The following PRKAR2A variants were observed in gnomAD, a reference collection of about 807,000 sequenced individuals.
The protein encoded by PRKAR2A is cAMP-dependent protein kinase type II-alpha regulatory subunit.
A neutral mutation model predicts 51.9 loss-of-function variants in PRKAR2A; 29 were observed. That is an observed-to-expected ratio of 0.56 (90% CI 0.42 to 0.76). The LOEUF (loss-of-function observed/expected upper bound fraction) is 0.76, where lower values mean the gene tolerates loss of function less well. PRKAR2A is among the 30% of genes least tolerant of loss of function. PRKAR2A has a pLI of 0.00. For synonymous variants in PRKAR2A, 178 were observed against 186.2 expected (o/e 0.96, Z 0.36); for missense variants, 445 against 512.1 (o/e 0.87, Z 1.26).
intron 1 of PRKAR2A, among the ~76,000 whole-genome samples, chr3:48,820,049 T>C (rs1051667275): frequency 6.6e-6 from 1 of 152,178 alleles, no homozygotes; most frequent in Non-Finnish European, 1.5e-5. Context: ...GGTAACTTGC[T>C]TGGAACAAGC....
At chr3:48,809,289 G>GA (rs1285379645) in intron 1 of PRKAR2A, among the ~76,000 whole-genome samples, 2 of 151,834 alleles carry the variant, frequency 1.3e-5, no homozygotes, top group Non-Finnish European at 2.9e-5. Flanking sequence ...CCAGAGATGA[G>GA]AAAAAATCTA....
chr3:48,798,764 G>C (rs1470119108), intron 2 of PRKAR2A, among the ~76,000 whole-genome samples: 1 of 151,334 alleles, frequency 6.6e-6, no homozygotes, highest in Non-Finnish European at 1.5e-5. Flanking sequence ...GGGTTCAGGT[G>C]ATTCTCGTGC....
In PRKAR2A at chr3:48,746,603, T is replaced by C. The variant is rs1311388512; in HGVS notation, c.*4982A>G. ...GTCAGACATGATTTGTCAGCCTTTA[T>C]TAATCAAGAGTAAAGCCGAGCCCTA... On this transcript the variant is annotated 3_prime_UTR_variant, in exon 11 of 11. Coordinates refer to ENST00000265563, the MANE Select transcript of PRKAR2A (RefSeq NM_004157.4). The C allele has an allele frequency of 2.0e-5, 3 of 152,306 alleles. No homozygotes were observed. In the South Asian group the frequency reaches 6.2e-4, roughly 32 times the overall value. The allele number at this position is 152,306 out of a possible 1,614,324, so 9.4% of individuals were successfully genotyped here.
At chr3:48,775,834 G>A (rs190502690) in intron 5 of PRKAR2A, among the ~76,000 whole-genome samples, 2 of 152,162 alleles carry the variant, frequency 1.3e-5, no homozygotes, top group African/African-American at 4.8e-5. Flanking sequence ...GAGGCTGGGT[G>A]CAGTGGCTCA....
chr3:48,825,413 C>T (rs1275716461), intron 1 of PRKAR2A, among the ~76,000 whole-genome samples: 1 of 152,174 alleles, frequency 6.6e-6, no homozygotes, highest in Non-Finnish European at 1.5e-5. Context: ...ACTAAGGACT[C>T]TTAAGGAGTA....
At position 48,747,304 on chromosome 3, in the gene PRKAR2A, A is replaced by G. The variant is rs1248373913; in HGVS notation, c.*4281T>C. 6.6e-6 allele frequency: 1 copy of G among 152,166 alleles called. No individual in the cohort carries two copies. Among genetic ancestry groups the G allele is most frequent in the Admixed American group, 6.5e-5 (1 of 15,270 alleles). The allele number at this position is 152,166 out of a possible 1,614,324, so 9.4% of individuals were successfully genotyped here. A position where few individuals can be genotyped will look rare whatever the true frequency, so the allele number is the denominator to read the frequency against. Reference sequence around the variant, plus strand: ...AAATAAAAGATAAAAGATGACATTCATGGATCTTTTTATTTTTCTCTGTGC... The same window carrying G: ...AAATAAAAGATAAAAGATGACATTCGTGGATCTTTTTATTTTTCTCTGTGC... On this transcript the variant is annotated 3_prime_UTR_variant, in exon 11 of 11. Transcript: ENST00000265563.
chr3:48,816,069 C>T (rs377195050), intron 1 of PRKAR2A, among the ~76,000 whole-genome samples: 1 of 148,830 alleles, frequency 6.7e-6, no homozygotes, highest in South Asian at 2.2e-4. Flanking sequence ...ATTACTAATA[C>T]TTCTCCAACC....
chr3:48,777,622 G>T (rs542706721), intron 5 of PRKAR2A, among the ~76,000 whole-genome samples: 1 of 152,104 alleles, frequency 6.6e-6, no homozygotes, highest in South Asian at 2.1e-4. Flanking sequence ...AGCCAGGATG[G>T]TCTCGATCTC....
chr3:48,815,086 G>A (rs2082851910), intron 1 of PRKAR2A, among the ~76,000 whole-genome samples: 2 of 151,834 alleles, frequency 1.3e-5, no homozygotes, highest in South Asian at 4.2e-4. Context: ...GCTAATTTTT[G>A]TATTTTCAGT....
At chr3:48,797,008 C>T (rs1017408862) in intron 2 of PRKAR2A, among the ~76,000 whole-genome samples, 1 of 151,850 alleles carries the variant, frequency 6.6e-6, no homozygotes, top group Non-Finnish European at 1.5e-5. Context: ...ACTCATAGGC[C>T]CTGTATTGTT....
intron 3 of PRKAR2A, among the ~76,000 whole-genome samples, chr3:48,792,282 C>T (rs2082402812): frequency 1.3e-5 from 2 of 150,856 alleles, no homozygotes; most frequent in South Asian, 4.2e-4. Context: ...GCTGGGAGTA[C>T]AGGCGGGTGC....
chr3:48,784,014 C>T (rs909431780), intron 4 of PRKAR2A, among the ~76,000 whole-genome samples: 17 of 152,126 alleles, frequency 1.1e-4, no homozygotes, highest in African/African-American at 3.4e-4. Context: ...TATTATAAGA[C>T]AGCTAATATT....
chr3:48,796,666 CG>C lies in PRKAR2A; in HGVS notation c.299-2618del, dbSNP rs1175449895. Among the ~76,000 whole-genome samples the C allele has an allele frequency of 1.5e-4, 16 of 104,048 alleles. No homozygotes were observed. In the East Asian group the frequency reaches 4.6e-3, roughly 30 times the overall value. The allele number at this position is 104,048 out of a possible 152,430, so 68.3% of individuals were successfully genotyped here. ...CTAATTTTTATATTTTTAGTAGAGA[CG>C]GGGTTTTTTTTTTTTTTTTGCCATG... On this transcript the variant is annotated intron_variant, in intron 2 of 10. Transcript: ENST00000265563.
At chr3:48,771,517 T>C (rs752090669) in intron 6 of PRKAR2A, among the ~76,000 whole-genome samples, 3 of 152,224 alleles carry the variant, frequency 2.0e-5, no homozygotes, top group Admixed American at 6.5e-5. Context: ...TGTTATTGAT[T>C]TTTAGTTTCT....
intron 1 of PRKAR2A, among the ~76,000 whole-genome samples, chr3:48,822,540 G>C (rs2082984679): frequency 6.6e-6 from 1 of 152,046 alleles, no homozygotes; most frequent in African/African-American, 2.4e-5. Context: ...AAGCAAATTA[G>C]CAAAATTAAG....
intron 5 of PRKAR2A, among the ~76,000 whole-genome samples, chr3:48,778,596 T>G (rs1179688772): frequency 6.6e-6 from 1 of 152,188 alleles, no homozygotes; most frequent in East Asian, 1.9e-4. Flanking sequence ...CTCCACTCAC[T>G]GCAACCTCTG....
Position 48,783,304 on chromosome 3 carries a change from C to T in PRKAR2A, c.436-212G>A, listed in dbSNP as rs1344748145. Among the ~76,000 whole-genome samples the T allele has an allele frequency of 2.6e-5, 4 of 152,124 alleles. 1 individual carries two copies. In the South Asian group the frequency reaches 8.3e-4, roughly 31 times the overall value. On this transcript the variant is annotated intron_variant, in intron 4 of 10. Transcript: ENST00000265563. ...CAGCAAACTGGCAAGTCTTCTGAGGCAGTATTGTTTTGAAAAAGCTTCCCA... is the reference window on the plus strand; with the variant it reads ...CAGCAAACTGGCAAGTCTTCTGAGGTAGTATTGTTTTGAAAAAGCTTCCCA...
chr3:48,811,802 T>A (rs779557332), intron 1 of PRKAR2A, among the ~76,000 whole-genome samples: 27 of 151,908 alleles, frequency 1.8e-4, no homozygotes, highest in Non-Finnish European at 3.1e-4. Context: ...TTATATGTTA[T>A]CCGAATTTCA....
chr3:48,766,791 G>A (rs973134207), intron 6 of PRKAR2A, among the ~76,000 whole-genome samples: 2 of 152,132 alleles, frequency 1.3e-5, no homozygotes, highest in East Asian at 1.9e-4. Context: ...GGAGGAATAC[G>A]CAAGATGGAA....
Sources: gnomAD v4.1 joint callset for allele counts (sites outside exome capture counted in the v4.1 genomes callset) on GRCh38, gnomAD v4.1.1 for gene constraint, MANE v1.5 for transcripts, NCBI Gene and HGNC (gene_info 2026-07-23, HGNC 2026-07-21) for gene names.